SLC8A3: variants seen among roughly 807,000 people sequenced by gnomAD.
SLC8A3 encodes solute carrier family 8 member A3.
In SLC8A3, 37 loss-of-function variants were observed where a neutral mutation model predicts 65.4. That is an observed-to-expected ratio of 0.57 (90% CI 0.44 to 0.74). SLC8A3 has a LOEUF of 0.74. Among genes scored for constraint, SLC8A3 ranks in the 30% least tolerant of loss-of-function variants. The pLI is 0.00. For missense variants in SLC8A3, 1,112 were observed against 1,172.1 expected (o/e 0.95, Z 0.75); for synonymous variants, 461 against 444.5 (o/e 1.04, Z -0.47).
intron 2 of SLC8A3, among the ~76,000 whole-genome samples, chr14:70,125,334 C>G (rs929452698): frequency 1.3e-5 from 2 of 152,116 alleles, no homozygotes; most frequent in Non-Finnish European, 2.9e-5. Flanking sequence ...CCATTCCCCC[C>G]ACCCTTCCGA....
chr14:70,126,059 C>A (rs1894423266), intron 2 of SLC8A3, among the ~76,000 whole-genome samples: 1 of 152,124 alleles, frequency 6.6e-6, no homozygotes, highest in African/African-American at 2.4e-5. Flanking sequence ...TTTTGTTTTT[C>A]CTAAAGAGTT....
Position 70,071,362 on chromosome 14 carries a change from CG to C in SLC8A3, c.1785-10424del, listed in dbSNP as rs1179947933. ...GGTGGGCCTGATTGAATCGCATGAA[CG>C]CTTAAAAGCAAAGAACTTTCTCTGG... On this transcript the variant is annotated intron_variant, in intron 2 of 6. Coordinates refer to ENST00000356921, the MANE Select transcript of SLC8A3 (RefSeq NM_182932.3). 2.0e-5 allele frequency among the ~76,000 whole-genome samples: 3 copies of C among 152,208 alleles called. No individual in the cohort carries two copies. The South Asian group carries it at 6.2e-4, about 32-fold the overall frequency.
chr14:70,169,145 G>C (rs1289761313), intron 1 of SLC8A3, among the ~76,000 whole-genome samples: 1 of 152,128 alleles, frequency 6.6e-6, no homozygotes. Flanking sequence ...CCATTAAACA[G>C]AGCAATAAAC....
At chr14:70,132,970 C>A (rs1442442840) in intron 2 of SLC8A3, among the ~76,000 whole-genome samples, 1 of 152,098 alleles carries the variant, frequency 6.6e-6, no homozygotes, top group Non-Finnish European at 1.5e-5. Context: ...TAACTGTTGT[C>A]TTCTGATTCT....
intron 2 of SLC8A3, among the ~76,000 whole-genome samples, chr14:70,151,778 G>A (rs1896293665): frequency 6.6e-6 from 1 of 152,162 alleles, no homozygotes; most frequent in African/African-American, 2.4e-5. Context: ...AGGAGAATCT[G>A]TTCCATGCCT....
intron 2 of SLC8A3, among the ~76,000 whole-genome samples, chr14:70,131,394 T>C (rs1894823142): frequency 6.6e-6 from 1 of 152,210 alleles, no homozygotes; most frequent in Non-Finnish European, 1.5e-5. Context: ...GAATCCTAGG[T>C]TCCAGGCTGT....
At chr14:70,106,640 C>A (rs985919658) in intron 2 of SLC8A3, among the ~76,000 whole-genome samples, 1 of 151,706 alleles carries the variant, frequency 6.6e-6, no homozygotes. Flanking sequence ...AGTATGGAAT[C>A]ATGACCTCAC....
chr14:70,123,952 C>T (rs915615480), intron 2 of SLC8A3, among the ~76,000 whole-genome samples: 3 of 152,088 alleles, frequency 2.0e-5, no homozygotes, highest in African/African-American at 7.2e-5. Context: ...CTCCGGTCCC[C>T]CAGGGTCAGC....
chr14:70,160,664 T>TA (rs1896827025), intron 2 of SLC8A3, among the ~76,000 whole-genome samples: 2 of 151,964 alleles, frequency 1.3e-5, no homozygotes, highest in African/African-American at 4.8e-5. Flanking sequence ...GGGACTGACT[T>TA]AGGTAGGAGA....
chr14:70,183,291 C>T (rs1034036452), intron 1 of SLC8A3, among the ~76,000 whole-genome samples: 1 of 152,126 alleles, frequency 6.6e-6, no homozygotes, highest in Non-Finnish European at 1.5e-5. Context: ...TTCTGTATGC[C>T]ATATCCAAGT....
In SLC8A3 at chr14:70,152,896, C is replaced by T. The variant is rs74062808; in HGVS notation, c.1784+13743G>A. ...GGCCCAGATAGGACATAATTACATG[C>T]TCCCTGGAGAGAAGGCTTAATTGAA... is the stretch of plus-strand genomic sequence containing the variant. On this transcript the variant is annotated intron_variant, in intron 2 of 6. Transcript: ENST00000356921. Among the ~76,000 whole-genome samples, 782 of 152,322 alleles carry T rather than the reference C, an allele frequency of 5.1e-3. 10 individuals are homozygous for T. Among genetic ancestry groups the T allele is most frequent in the African/African-American group, 0.017 (711 of 41,564 alleles).
rs77855438 is a variant in SLC8A3, at chr14:70,146,315, G to T, written c.1784+20324C>A. ...TAGGTCTGCAATGAGGCTAATGGGG[G>T]GCTGAGTCCCTGTCTTCAAAAGGCT... is the stretch of plus-strand genomic sequence containing the variant. On this transcript the variant is annotated intron_variant, in intron 2 of 6. Coordinates refer to ENST00000356921, the MANE Select transcript of SLC8A3 (RefSeq NM_182932.3). Among the ~76,000 whole-genome samples, 566 of 152,262 alleles carry T rather than the reference G, an allele frequency of 3.7e-3. 3 individuals are homozygous for T. Among genetic ancestry groups the T allele is most frequent in the African/African-American group, 0.013 (527 of 41,540 alleles).
At chr14:70,094,760 C>T (rs184383875) in intron 2 of SLC8A3, among the ~76,000 whole-genome samples, 1 of 152,334 alleles carries the variant, frequency 6.6e-6, no homozygotes, top group East Asian at 1.9e-4. Flanking sequence ...GCAGAGCCCT[C>T]AAGGCTGAGG....
chr14:70,138,372 T>C (rs1257608544), intron 2 of SLC8A3, among the ~76,000 whole-genome samples: 6 of 152,256 alleles, frequency 3.9e-5, no homozygotes, highest in African/African-American at 7.2e-5. Flanking sequence ...GAAATCTTTG[T>C]TGACCAAAGG....
chr14:70,089,769 C>T (rs1480327043), intron 2 of SLC8A3, among the ~76,000 whole-genome samples: 1 of 152,166 alleles, frequency 6.6e-6, no homozygotes, highest in Admixed American at 6.6e-5. Context: ...CAATATGATG[C>T]TTGTTTTTTA....
At chr14:70,171,014 A>AGG (rs1177904471) in intron 1 of SLC8A3, among the ~76,000 whole-genome samples, 6 of 152,228 alleles carry the variant, frequency 3.9e-5, no homozygotes, top group Non-Finnish European at 5.9e-5. Flanking sequence ...GCATTCATTC[A>AGG]GAGGTTTGAC....
Position 70,060,868 on chromosome 14 carries a change from C to T in SLC8A3, c.1856G>A (p.Gly619Asp). 2.6e-6 allele frequency: 4 copies of T among 1,532,490 alleles called. No individual in the cohort carries two copies. Among genetic ancestry groups the T allele is most frequent in the East Asian group, 2.2e-5 (1 of 44,586 alleles). 94.9% of individuals were successfully genotyped at this position (1,532,490 alleles called of 1,614,324 possible). The change falls in exon 3 of 7, where the codon GGT (glycine) becomes GAT (aspartate). Residue 619 changes from glycine (G) to aspartate (D), a missense_variant. Physicochemically the swap from Gly to Asp is moderately conservative, Grantham distance 94 (BLOSUM62 -1). Transcript: ENST00000356921. Reference sequence around the variant, plus strand: ...TCCACGTTCCATCCATTTCGGTTCACCAAGGGCAATGAAGAAATTCTCTTG... The same window carrying T: ...TCCACGTTCCATCCATTTCGGTTCATCAAGGGCAATGAAGAAATTCTCTTG... ...ERQENFFIAL[G>D]EPKWMERGIS... is the part of the protein sequence containing the mutation.
chr14:70,125,432 C>T (rs1010041027), intron 2 of SLC8A3, among the ~76,000 whole-genome samples: 1 of 152,086 alleles, frequency 6.6e-6, no homozygotes, highest in African/African-American at 2.4e-5. Context: ...TGGAATTTGC[C>T]TTTCTGTTTC....
At chr14:70,148,093 T>G (rs1896045883) in intron 2 of SLC8A3, among the ~76,000 whole-genome samples, 1 of 152,202 alleles carries the variant, frequency 6.6e-6, no homozygotes, top group South Asian at 2.1e-4. Context: ...ATTTTTCACT[T>G]TCAGTACAAT....
Sources: gnomAD v4.1 joint callset for allele counts (sites outside exome capture counted in the v4.1 genomes callset) on GRCh38, gnomAD v4.1.1 for gene constraint, MANE v1.5 for transcripts, NCBI Gene and HGNC (gene_info 2026-07-23, HGNC 2026-07-21) for gene names.